Variants in DLGAP2 observed in about 807,000 individuals in gnomAD.
DLGAP2 encodes the protein DLG associated protein 2.
Under a neutral mutation model 100.3 loss-of-function variants are expected in DLGAP2, and 26 were observed. That is an observed-to-expected ratio of 0.26 (90% confidence interval 0.19 to 0.36). The LOEUF is 0.36. Among genes scored for constraint, DLGAP2 ranks in the 10% least tolerant of loss-of-function variants. The pLI is 1.00. For missense variants in DLGAP2, 1,858 were observed against 1,453.2 expected (o/e 1.28, Z -4.53); for synonymous variants, 886 against 630.1 (o/e 1.41, Z -6.08).
intron 1 of DLGAP2, among the ~76,000 whole-genome samples, chr8:821,541 A>G (rs1482635991): frequency 6.6e-6 from 1 of 152,218 alleles, no homozygotes; most frequent in Non-Finnish European, 1.5e-5. Context: ...ATATATTAGC[A>G]CCTTCTTTTT....
At chr8:1,459,022 C>G (rs905602001) in intron 3 of DLGAP2, among the ~76,000 whole-genome samples, 4 of 151,772 alleles carry the variant, frequency 2.6e-5, no homozygotes, top group African/African-American at 9.7e-5. Flanking sequence ...GCGTCCCAGA[C>G]AGGAGTGACA....
intron 2 of DLGAP2, chr8:1,137,346 T>C (rs879769185): frequency 1.3e-5 from 2 of 152,626 alleles, no homozygotes; most frequent in Non-Finnish European, 2.9e-5. Context: ...CAAATATGGA[T>C]TTGGGGTGTG....
intron 2 of DLGAP2, among the ~76,000 whole-genome samples, chr8:1,008,194 C>A (rs1801176405): frequency 6.6e-6 from 1 of 152,266 alleles, no homozygotes; most frequent in South Asian, 2.1e-4. Flanking sequence ...AGGTCAAGAT[C>A]TTGATAAAAG....
intron 2 of DLGAP2, chr8:1,250,437 G>C (rs1408464663): frequency 6.6e-6 from 1 of 152,170 alleles, no homozygotes; most frequent in East Asian, 1.9e-4. Flanking sequence ...GCAACACTAG[G>C]ACCGTGGTAG....
At chr8:1,294,922 C>T (rs1267585163) in intron 3 of DLGAP2, among the ~76,000 whole-genome samples, 3 of 151,136 alleles carry the variant, frequency 2.0e-5, no homozygotes, top group Non-Finnish European at 4.4e-5. Flanking sequence ...TGTTATGTAG[C>T]AGTTGATGAC....
At chr8:1,602,927 TC>T (rs1434390321) in intron 6 of DLGAP2, among the ~76,000 whole-genome samples, 2 of 152,204 alleles carry the variant, frequency 1.3e-5, no homozygotes, top group Admixed American at 6.5e-5. Flanking sequence ...GAGGGAAAAT[TC>T]AACAGAATGA....
At chr8:917,229 CCCTT>C (rs568944410) in intron 2 of DLGAP2, among the ~76,000 whole-genome samples, 143 of 138,046 alleles carry the variant, frequency 1.0e-3, no homozygotes, top group East Asian at 1.6e-3. Context: ...CTCCCTCCCT[CCCTT>C]CCTTCCTTCC....
In DLGAP2 at chr8:948,229, G is replaced by A. The variant is rs1327402038; in HGVS notation, c.73+40263G>A. On this transcript the variant is annotated intron_variant, in intron 2 of 14. Transcript: ENST00000637795. ...TCTTTCACTTTGATTTGGGGCATAGGTGGAGGCTCCCCCTACGGCCCTGTG... is the reference window on the plus strand; with the variant it reads ...TCTTTCACTTTGATTTGGGGCATAGATGGAGGCTCCCCCTACGGCCCTGTG... Among the ~76,000 whole-genome samples the A allele has an allele frequency of 2.0e-5, 3 of 152,344 alleles. No homozygotes were observed. The East Asian group carries it at 5.8e-4, about 29-fold the overall frequency.
chr8:1,433,833 T>C (rs1364491473), intron 3 of DLGAP2, among the ~76,000 whole-genome samples: 1 of 150,474 alleles, frequency 6.6e-6, no homozygotes, highest in Non-Finnish European at 1.5e-5. Flanking sequence ...TTAAATGGTA[T>C]AAACCTCTGC....
intron 2 of DLGAP2, among the ~76,000 whole-genome samples, chr8:1,177,879 C>G (rs1490973902): frequency 6.6e-6 from 1 of 152,172 alleles, no homozygotes; most frequent in Non-Finnish European, 1.5e-5. Flanking sequence ...TGTGGGGGCT[C>G]CCTTTCAGCA....
At chr8:1,495,712 C>A (rs998099108) in intron 3 of DLGAP2, among the ~76,000 whole-genome samples, 2 of 151,774 alleles carry the variant, frequency 1.3e-5, no homozygotes, top group African/African-American at 4.8e-5. Flanking sequence ...CGCTCATCGT[C>A]TCGCAGGCAG....
At chr8:1,037,142 G>A (rs1421220661) in intron 2 of DLGAP2, among the ~76,000 whole-genome samples, 1 of 152,138 alleles carries the variant, frequency 6.6e-6, no homozygotes, top group African/African-American at 2.4e-5. Context: ...GGAATCCGAG[G>A]TGGATTCAGT....
chr8:1,669,837 TCC>T, intron 10 of DLGAP2, 53 bp downstream of exon 10: 2 of 780,824 alleles, frequency 2.6e-6, no homozygotes, highest in Non-Finnish European at 4.8e-6. Context: ...TCATTTTCTC[TCC>T]CTTTTTTGGA....
At chr8:1,573,723 G>A (rs373114819) in intron 6 of DLGAP2, among the ~76,000 whole-genome samples, 6 of 152,098 alleles carry the variant, frequency 3.9e-5, no homozygotes, top group African/African-American at 1.4e-4. Context: ...GGCCTTTTTT[G>A]TGAATAAAGT....
chr8:1,077,187 G>A (rs1803648685), intron 2 of DLGAP2, among the ~76,000 whole-genome samples: 1 of 152,208 alleles, frequency 6.6e-6, no homozygotes, highest in Non-Finnish European at 1.5e-5. Flanking sequence ...TTCTGCTTCT[G>A]ATGAGGACAC....
intron 2 of DLGAP2, among the ~76,000 whole-genome samples, chr8:1,067,766 C>G (rs905325269): frequency 9.2e-5 from 14 of 152,158 alleles, no homozygotes; most frequent in Admixed American, 3.9e-4. Context: ...CCCTCCAGAG[C>G]TGTGCATTTA....
At position 1,481,448 on chromosome 8, in the gene DLGAP2, ATTTTCTTTTTCT is replaced by A. The variant is rs1418758632; in HGVS notation, c.107-19901_107-19890del. ...TCAAAGTGAGATGATACTTTATTGG[ATTTTCTTTTTCT>A]TTTTCTTTTTCTTTTTTTTTTTTTT... On this transcript the variant is annotated intron_variant, in intron 3 of 14. Transcript: ENST00000637795. Among the ~76,000 whole-genome samples, 5 of 90,818 alleles carry A rather than the reference ATTTTCTTTTTCT, an allele frequency of 5.5e-5. No homozygotes were observed. In the East Asian group the frequency reaches 1.0e-3, roughly 18 times the overall value. The allele number at this position is 90,818 out of a possible 152,430, so 59.6% of individuals were successfully genotyped here. A position where few individuals can be genotyped will look rare whatever the true frequency, so the allele number is the denominator to read the frequency against.
chr8:1,607,940 CA>C (rs1796861900), intron 6 of DLGAP2, among the ~76,000 whole-genome samples: 1 of 145,786 alleles, frequency 6.9e-6, no homozygotes, highest in Non-Finnish European at 1.5e-5. Flanking sequence ...GATCAAACTG[CA>C]AGGCGGCAGC....
At chr8:1,107,693 C>G (rs1585066940) in intron 2 of DLGAP2, among the ~76,000 whole-genome samples, 1 of 152,230 alleles carries the variant, frequency 6.6e-6, no homozygotes, top group African/African-American at 2.4e-5. Context: ...TCTGTCCCAG[C>G]AGAGCTGTTT....
Sources: gnomAD v4.1 joint callset for allele counts (sites outside exome capture counted in the v4.1 genomes callset) on GRCh38, gnomAD v4.1.1 for gene constraint, MANE v1.5 for transcripts, NCBI Gene and HGNC (gene_info 2026-07-23, HGNC 2026-07-21) for gene names.